The following LDLRAD3 variants were observed in gnomAD, a reference collection of about 807,000 sequenced individuals.
LDLRAD3 encodes the protein low-density lipoprotein receptor class A domain-containing protein 3.
Under a neutral mutation model 29.4 loss-of-function variants are expected in LDLRAD3, and 20 were observed. The ratio of observed to expected loss-of-function variants is 0.68; its 90% CI spans 0.48 to 0.99. The LOEUF (loss-of-function observed/expected upper bound fraction) is 0.99. LDLRAD3 is among the 50% of genes least tolerant of loss of function. The probability of loss-of-function intolerance (pLI) is 0.00; values close to 1 mark genes in which losing one functional copy is unlikely to be tolerated. For missense variants in LDLRAD3, 420 were observed against 454.3 expected (o/e 0.92, Z 0.69); for synonymous variants, 157 against 192.7 (o/e 0.81, Z 1.53).
chr11:36,089,374 C>G (rs1367344702), intron 3 of LDLRAD3, among the ~76,000 whole-genome samples: 1 of 151,892 alleles, frequency 6.6e-6, no homozygotes, highest in Non-Finnish European at 1.5e-5. Flanking sequence ...TCAACCTAGG[C>G]GGTATAAATA....
chr11:35,985,465 C>T (rs1019588330), intron 1 of LDLRAD3, among the ~76,000 whole-genome samples: 1 of 152,098 alleles, frequency 6.6e-6, no homozygotes, highest in African/African-American at 2.4e-5. Context: ...GAAACTCTGC[C>T]CTGGAGCCTT....
chr11:36,063,553 A>G (rs2133236343), intron 2 of LDLRAD3, among the ~76,000 whole-genome samples: 1 of 152,278 alleles, frequency 6.6e-6, no homozygotes, highest in East Asian at 1.9e-4. Flanking sequence ...TAATGTTTTC[A>G]AGGTTCATCT....
intron 2 of LDLRAD3, among the ~76,000 whole-genome samples, chr11:36,039,393 C>A (rs573406083): frequency 6.6e-6 from 1 of 152,246 alleles, no homozygotes; most frequent in Non-Finnish European, 1.5e-5. Flanking sequence ...GGGAAACTTA[C>A]CAGAATGTTC....
intron 4 of LDLRAD3, among the ~76,000 whole-genome samples, chr11:36,171,130 A>G (rs1343639131): frequency 1.3e-5 from 2 of 152,030 alleles, no homozygotes; most frequent in Admixed American, 1.3e-4. Flanking sequence ...TTAGCCCACT[A>G]TTTGATGAGA....
intron 4 of LDLRAD3, among the ~76,000 whole-genome samples, chr11:36,215,530 T>C (rs1457353684): frequency 3.3e-5 from 5 of 152,098 alleles, no homozygotes; most frequent in African/African-American, 1.2e-4. Flanking sequence ...TGGCATCGGA[T>C]ATGTCTTGTG....
chr11:36,110,972 A>G (rs1590275943), intron 4 of LDLRAD3, among the ~76,000 whole-genome samples: 2 of 152,160 alleles, frequency 1.3e-5, no homozygotes, highest in South Asian at 2.1e-4. Context: ...CCAGAGAGGG[A>G]ATAGTATAGC....
At chr11:36,115,334 T>C (rs1253451940) in intron 4 of LDLRAD3, among the ~76,000 whole-genome samples, 2 of 152,228 alleles carry the variant, frequency 1.3e-5, no homozygotes, top group African/African-American at 4.8e-5. Flanking sequence ...ATTTGTTATG[T>C]AGTAGTTGCT....
At chr11:36,179,756 G>T (rs900892030) in intron 4 of LDLRAD3, among the ~76,000 whole-genome samples, 1 of 152,142 alleles carries the variant, frequency 6.6e-6, no homozygotes, top group Non-Finnish European at 1.5e-5. Flanking sequence ...ACTTTGGGAG[G>T]CTGAGGCAGG....
intron 4 of LDLRAD3, among the ~76,000 whole-genome samples, chr11:36,223,672 C>T (rs572747701): frequency 2.6e-4 from 40 of 152,040 alleles, no homozygotes; most frequent in African/African-American, 9.2e-4. Flanking sequence ...GAACCAAGAT[C>T]GCGCCACTGC....
At chr11:36,132,291 A>G (rs1853938191) in intron 4 of LDLRAD3, among the ~76,000 whole-genome samples, 1 of 152,186 alleles carries the variant, frequency 6.6e-6, no homozygotes, top group African/African-American at 2.4e-5. Flanking sequence ...TCTTGTTGGA[A>G]AATGTGTCTC....
At chr11:36,176,795 G>C (rs1248823932) in intron 4 of LDLRAD3, among the ~76,000 whole-genome samples, 1 of 152,130 alleles carries the variant, frequency 6.6e-6, no homozygotes, top group African/African-American at 2.4e-5. Context: ...GTGTCTAGGT[G>C]ATTATCTTTT....
At chr11:36,061,711 G>A (rs1309441967) in intron 2 of LDLRAD3, among the ~76,000 whole-genome samples, 1 of 152,106 alleles carries the variant, frequency 6.6e-6, no homozygotes, top group Non-Finnish European at 1.5e-5. Flanking sequence ...CGACCACAGG[G>A]GGCTTGTGCA....
At chr11:36,145,938 C>T (rs1369832108) in intron 4 of LDLRAD3, among the ~76,000 whole-genome samples, 1 of 151,464 alleles carries the variant, frequency 6.6e-6, no homozygotes, top group East Asian at 1.9e-4. Context: ...GCTGACCTTC[C>T]CTCCACTATT....
intron 4 of LDLRAD3, among the ~76,000 whole-genome samples, chr11:36,223,216 C>T (rs556834566): frequency 4.1e-4 from 62 of 152,292 alleles, no homozygotes; most frequent in South Asian, 4.1e-4. Context: ...GTGATCGCTG[C>T]GTCTCGCCTG....
chr11:36,192,990 G>A lies in LDLRAD3; in HGVS notation c.455-34095G>A, dbSNP rs903741493. On this transcript the variant is annotated intron_variant, in intron 4 of 5. Transcript: ENST00000315571. ...TCCCTGATCCTCCATTTTCTCTTCT[G>A]TAAAATGGGAATAATAGTAGTGTCT... 7.9e-5 allele frequency among the ~76,000 whole-genome samples: 12 copies of A among 152,276 alleles called. 1 individual carries two copies. Among genetic ancestry groups the A allele is most frequent in the Admixed American group, 5.9e-4 (9 of 15,300 alleles).
chr11:35,965,918 C>T (rs1590690401), intron 1 of LDLRAD3, among the ~76,000 whole-genome samples: 1 of 152,162 alleles, frequency 6.6e-6, no homozygotes, highest in African/African-American at 2.4e-5. Flanking sequence ...TTATGACCAA[C>T]ATTATTTTAT....
chr11:36,020,352 G>C (rs1029660635), intron 1 of LDLRAD3, among the ~76,000 whole-genome samples: 1 of 152,158 alleles, frequency 6.6e-6, no homozygotes, highest in Non-Finnish European at 1.5e-5. Context: ...TTATCTGAGC[G>C]TGAAGAGACA....
chr11:36,083,888 G>C (rs1350036738), intron 3 of LDLRAD3, among the ~76,000 whole-genome samples: 1 of 151,912 alleles, frequency 6.6e-6, no homozygotes, highest in Non-Finnish European at 1.5e-5. Flanking sequence ...TAAAGACCTT[G>C]TATGATTTAA....
intron 4 of LDLRAD3, among the ~76,000 whole-genome samples, chr11:36,160,002 T>A (rs1247314015): frequency 6.6e-6 from 1 of 152,212 alleles, no homozygotes; most frequent in Non-Finnish European, 1.5e-5. Flanking sequence ...CCCACGTTGC[T>A]GCACATTGCT....
Sources: allele counts gnomAD v4.1 joint callset (sites outside exome capture counted in the v4.1 genomes callset), GRCh38; gene constraint gnomAD v4.1.1; transcripts MANE v1.5; gene names NCBI Gene and HGNC (gene_info 2026-07-23, HGNC 2026-07-21).